The following ABL2 variants were observed in gnomAD, a reference collection of about 807,000 sequenced individuals.
ABL2 encodes tyrosine-protein kinase ABL2.
ABL2 carries 49 observed loss-of-function variants against 107.7 expected under a neutral mutation model. The ratio of observed to expected loss-of-function variants is 0.45; its 90% CI spans 0.36 to 0.58. ABL2 has a LOEUF of 0.58. Ranked by LOEUF, ABL2 falls within the 20% of genes least tolerant of loss-of-function variation. The pLI is 0.00. For missense variants in ABL2, 1,245 were observed against 1,457.0 expected, an observed-to-expected ratio of 0.85 and a Z score of 2.37; for synonymous variants, 549 against 548.6, an observed-to-expected ratio of 1.00 and a Z score of -0.01.
In ABL2 at chr1:179,108,606, G is replaced by A; in HGVS notation, c.2661C>T (p.Ala887=). Residue 887 remains alanine, a synonymous_variant, in exon 12 of 12, where the codon GCC becomes GCT. Transcript: ENST00000502732. The part of the protein sequence containing the change: ...PGVGVAGVAA[A]PKGKEKNGGA... ...CACCATTCTTCTCTTTACCCTTGGGGGCAGCTGCCACTCCAGCCACTCCCA... is the reference window on the plus strand; with the variant it reads ...CACCATTCTTCTCTTTACCCTTGGGAGCAGCTGCCACTCCAGCCACTCCCA... The A allele has an allele frequency of 6.2e-7, 1 of 1,614,126 alleles. No homozygotes were observed. The highest frequency in any genetic ancestry group is 8.5e-7 in the Non-Finnish European group (1 of 1,180,008).
rs1653225199 is a variant in ABL2 at position 179,102,935 on chromosome 1, T to C, written c.*4783A>G. The C allele has an allele frequency of 4.4e-6, 1 of 226,636 alleles. No individual in the cohort carries two copies. The highest frequency in any genetic ancestry group is 8.8e-6 in the Non-Finnish European group (1 of 113,934). The allele number at this position is 226,636 out of a possible 1,614,324, so 14.0% of individuals were successfully genotyped here. On this transcript the variant is annotated 3_prime_UTR_variant, in exon 12 of 12. Coordinates refer to ENST00000502732, the MANE Select transcript of ABL2 (RefSeq NM_007314.4). ...CCAAAGTGCACTGGTTTTATGGCCA[T>C]CCACCTCCCCCTGTAAACCTAACAA...
At chr1:179,184,555 G>A in intron 1 of ABL2, 1 of 570,076 alleles carries the variant, frequency 1.8e-6, no homozygotes, top group Non-Finnish European at 3.2e-6. Flanking sequence ...TGATATGGAT[G>A]AAGAAGGAGG....
At position 179,102,625 on chromosome 1, in the gene ABL2, C is replaced by T. The variant is rs1653189296; in HGVS notation, c.*5093G>A. ...AACAATTTAATGCAAGATGATGAAA[C>T]TCAAAAATCAAGAACAAAAATATAG... On this transcript the variant is annotated 3_prime_UTR_variant, in exon 12 of 12. Coordinates refer to ENST00000502732, the MANE Select transcript of ABL2 (RefSeq NM_007314.4). 1 of 228,306 alleles carries T rather than the reference C, an allele frequency of 4.4e-6. No homozygotes were observed. Among genetic ancestry groups the T allele is most frequent in the Non-Finnish European group, 8.7e-6 (1 of 115,106 alleles). The allele number at this position is 228,306 out of a possible 1,614,324, so 14.1% of individuals were successfully genotyped here.
chr1:179,166,663 G>C (rs935801636), intron 1 of ABL2, among the ~76,000 whole-genome samples: 1 of 151,526 alleles, frequency 6.6e-6, no homozygotes, highest in Non-Finnish European at 1.5e-5. Context: ...TGTAATCCCA[G>C]CTACTCTGGA....
At chr1:179,212,144 T>C (rs1662310824) in intron 1 of ABL2, among the ~76,000 whole-genome samples, 3 of 152,080 alleles carry the variant, frequency 2.0e-5, no homozygotes, top group Admixed American at 2.0e-4. Flanking sequence ...TATAAAACTA[T>C]CAGACATGGT....
At chr1:179,201,942 C>T in intron 1 of ABL2, 1 of 1,195,910 alleles carries the variant, frequency 8.4e-7, no homozygotes, top group Non-Finnish European at 1.0e-6. Flanking sequence ...TGTCCTGCCA[C>T]CCAACCCCAG....
In ABL2 at chr1:179,104,219, G is replaced by C. The variant is rs1295020537; in HGVS notation, c.*3499C>G. The C allele has an allele frequency of 8.7e-6, 2 of 230,254 alleles. No individual in the cohort carries two copies. Among genetic ancestry groups the C allele is most frequent in the East Asian group, 6.2e-5 (1 of 16,228 alleles). 14.3% of individuals were successfully genotyped at this position (230,254 alleles called of 1,614,324 possible). Reference sequence around the variant, plus strand: ...TAATCCTTACAACAACCCTGAGGTAGTTACTATTATTATCCCTGTTTTACA... The same window carrying C: ...TAATCCTTACAACAACCCTGAGGTACTTACTATTATTATCCCTGTTTTACA... On this transcript the variant is annotated 3_prime_UTR_variant, in exon 12 of 12. Transcript: ENST00000502732.
At chr1:179,199,481 T>C (rs1315293181) in intron 1 of ABL2, among the ~76,000 whole-genome samples, 2 of 150,938 alleles carry the variant, frequency 1.3e-5, no homozygotes, top group African/African-American at 4.8e-5. Context: ...TTACCTTCTC[T>C]CTTTTTCTCC....
At chr1:179,130,681 G>T (rs1656208595) in intron 3 of ABL2, among the ~76,000 whole-genome samples, 1 of 151,482 alleles carries the variant, frequency 6.6e-6, no homozygotes, top group Non-Finnish European at 1.5e-5. Context: ...TCTTATAAAA[G>T]GGAACATTAA....
At chr1:179,212,411 T>C (rs2816214) in intron 1 of ABL2, among the ~76,000 whole-genome samples, 52,566 of 152,108 alleles carry the variant, frequency 0.35, 9,496 homozygotes, top group East Asian at 0.48. Context: ...GGTCTTACCA[T>C]CTAAAGCAGC....
In ABL2 at chr1:179,099,557, G is replaced by A. The variant is rs1399460159; in HGVS notation, c.*8161C>T. 1 of 228,744 alleles carries A rather than the reference G, an allele frequency of 4.4e-6. No homozygotes were observed. The highest frequency in any genetic ancestry group is 8.7e-6 in the Non-Finnish European group (1 of 115,330). 14.2% of individuals were successfully genotyped at this position (228,744 alleles called of 1,614,324 possible). On this transcript the variant is annotated 3_prime_UTR_variant, in exon 12 of 12. Coordinates refer to ENST00000502732, the MANE Select transcript of ABL2 (RefSeq NM_007314.4). ...ACAAATACCTGACAACACTGGTAAT[G>A]TGACACACAATTGATGTGTTTTTAG...
At chr1:179,224,320 G>A (rs554139126) in intron 1 of ABL2, among the ~76,000 whole-genome samples, 2 of 152,144 alleles carry the variant, frequency 1.3e-5, no homozygotes, top group South Asian at 4.2e-4. Flanking sequence ...AGGCTGGAGT[G>A]CAGGTGCGCG....
At position 179,108,105 on chromosome 1, in the gene ABL2, C is replaced by T. The variant is rs148651616; in HGVS notation, c.3162G>A (p.Ser1054=). 22 of 1,614,068 alleles carry T rather than the reference C, an allele frequency of 1.4e-5. No individual in the cohort carries two copies. In the Admixed American group the frequency reaches 1.5e-4, roughly 11 times the overall value. The part of the protein sequence containing the change: ...PQVPLPTSSI[S]PAKMANGTAG... The stretch of plus-strand genomic sequence containing the variant: ...CTGTGCCATTGGCCATTTTGGCTGG[C>T]GAGATGGAAGATGTGGGCAGAGGCA... Residue 1054 remains serine (S), a synonymous_variant, in exon 12 of 12, where the codon TCG becomes TCA. Coordinates refer to ENST00000502732, the MANE Select transcript of ABL2 (RefSeq NM_007314.4).
At chr1:179,213,776 G>A (rs1662413001) in intron 1 of ABL2, among the ~76,000 whole-genome samples, 1 of 150,786 alleles carries the variant, frequency 6.6e-6, no homozygotes, top group African/African-American at 2.4e-5. Flanking sequence ...ATGTATTACT[G>A]TGGTAAAAAT....
rs1337860933 is a variant in ABL2, at chr1:179,110,300, C to T, written c.1807G>A (p.Ala603Thr). The T allele has an allele frequency of 6.2e-7, 1 of 1,614,184 alleles. No homozygotes were observed. The change falls in exon 11 of 12, where the codon GCT becomes ACT. Residue 603 changes from alanine (A) to threonine (T), a missense_variant. By Grantham distance (58) the Ala-to-Thr change is moderately conservative. Around this residue, in one of 3 missense-constraint regions of ABL2, gnomAD observed 761 missense variants for 766.4 expected, o/e 0.99. Transcript: ENST00000502732. The part of the protein sequence containing the change: ...EGAQDATENS[A>T]SSLAPGFIRG... Reference sequence around the variant, plus strand: ...CCCATACCTGGTGCTAAACTGGAAGCAGAATTTTCTGTGGCATCTTGTGCC... The same window carrying T: ...CCCATACCTGGTGCTAAACTGGAAGTAGAATTTTCTGTGGCATCTTGTGCC...
In ABL2 at chr1:179,110,980, C is replaced by CT. The variant is rs376797144; in HGVS notation, c.1652-526dup. The CT allele has an allele frequency of 8.9e-3, 5,353 of 598,922 alleles. 2 individuals are homozygous for CT. Among genetic ancestry groups the CT allele is most frequent in the Non-Finnish European group, 0.01 (4,052 of 394,696 alleles). The allele number at this position is 598,922 out of a possible 1,614,324, so 37.1% of individuals were successfully genotyped here. On this transcript the variant is annotated intron_variant, in intron 10 of 11. Coordinates refer to ENST00000502732, the MANE Select transcript of ABL2 (RefSeq NM_007314.4). ...TAAAATTTGATGTTATTATTTTTGG[C>CT]TTTTTTTTTTTTTTTTTTTTGCAGA...
At chr1:179,212,519 G>A (rs1359914010) in intron 1 of ABL2, among the ~76,000 whole-genome samples, 1 of 152,108 alleles carries the variant, frequency 6.6e-6, no homozygotes, top group Non-Finnish European at 1.5e-5. Flanking sequence ...GATCACCTGA[G>A]GTCGGGAGTT....
intron 1 of ABL2, among the ~76,000 whole-genome samples, chr1:179,148,010 A>G (rs1658118094): frequency 6.6e-6 from 1 of 150,482 alleles, no homozygotes; most frequent in Non-Finnish European, 1.5e-5. Context: ...CCCTACATTG[A>G]GCAAGTCTAT....
intron 3 of ABL2, among the ~76,000 whole-genome samples, chr1:179,128,743 G>A (rs1039548144): frequency 1.4e-4 from 21 of 152,180 alleles, no homozygotes; most frequent in Non-Finnish European, 2.4e-4. Context: ...CAGTGCAGCG[G>A]TGCAAACACA....
Sources: gnomAD v4.1 joint callset for allele counts (sites outside exome capture counted in the v4.1 genomes callset) on GRCh38, gnomAD v4.1.1 for gene constraint, gnomAD v4.1.1 regional missense constraint, MANE v1.5 for transcripts, NCBI Gene and HGNC (gene_info 2026-07-23, HGNC 2026-07-21) for gene names.